The following DCTPP1 variants were observed in gnomAD, a reference collection of about 807,000 sequenced individuals.
DCTPP1 encodes the protein XTP3-transactivated gene A protein.
In DCTPP1, 8 loss-of-function variants were observed where a neutral mutation model predicts 8.8. The ratio of observed to expected loss-of-function variants is 0.91; its 90% CI spans 0.54 to 1.64. The LOEUF is 1.64. DCTPP1 is among the 40% of genes most tolerant of loss of function. The pLI is 0.00. For missense variants in DCTPP1, 231 were observed against 230.4 expected (o/e 1.00, Z -0.02); for synonymous variants, 85 against 92.1 (o/e 0.92, Z 0.44).
intron 2 of DCTPP1, among the ~76,000 whole-genome samples, chr16:30,426,220 G>C (rs2050191494): frequency 1.3e-5 from 2 of 152,184 alleles, no homozygotes. Flanking sequence ...CTGTCGCCCA[G>C]GCTGGAGTGC....
Position 30,429,788 on chromosome 16 carries a change from C to T in DCTPP1, c.101+92G>A, listed in dbSNP as rs544683617. The stretch of plus-strand genomic sequence containing the variant: ...AGAGCCAGGACCCGAGCCCCGCTGC[C>T]AGCCCGCTTCCCGACCACGTGGAGG... On this transcript the variant is annotated intron_variant, in intron 1 of 2. Coordinates refer to ENST00000319285, the MANE Select transcript of DCTPP1 (RefSeq NM_024096.2). 3,705 of 1,308,596 alleles carry T rather than the reference C, an allele frequency of 2.8e-3. 15 individuals are homozygous for T. The highest frequency in any genetic ancestry group is 3.2e-3 in the Non-Finnish European group (3,121 of 963,926). The allele number at this position is 1,308,596 out of a possible 1,614,324, so 81.1% of individuals were successfully genotyped here.
At chr16:30,429,563 C>G in intron 1 of DCTPP1, 1 of 442,162 alleles carries the variant, frequency 2.3e-6, no homozygotes. Flanking sequence ...TCCCACCTCT[C>G]AGCACTTCGT....
intron 1 of DCTPP1, chr16:30,429,638 G>T: frequency 1.9e-6 from 1 of 517,946 alleles, no homozygotes; most frequent in Non-Finnish European, 3.4e-6. Context: ...TATCTTCCCA[G>T]GGCTAGGCTG....
intron 1 of DCTPP1, 55 bp from the exon 2 acceptor site, chr16:30,429,222 G>A (rs1266655926): frequency 6.3e-7 from 1 of 1,589,680 alleles, no homozygotes; most frequent in Non-Finnish European, 8.6e-7. Flanking sequence ...GGGTGATGCA[G>A]GGGCCAGAGG....
In DCTPP1 at chr16:30,424,422, G is replaced by A; in HGVS notation, c.324C>T (p.Ala108=). ...DVLIYLVALA[A]RCRVDLPLAV... ...CTAGCGGCAGATCCACACGGCAGCG[G>A]GCTGCTAATGCCACCAGGTAGATGA... Residue 108 remains alanine (A), a synonymous_variant, in exon 3 of 3, where the codon GCC becomes GCT. Coordinates refer to ENST00000319285, the MANE Select transcript of DCTPP1 (RefSeq NM_024096.2). 7.4e-6 allele frequency: 12 copies of A among 1,614,234 alleles called. No individual in the cohort carries two copies. The highest frequency in any genetic ancestry group is 9.3e-6 in the Non-Finnish European group (11 of 1,180,040).
intron 1 of DCTPP1, 79 bp downstream of exon 1, chr16:30,429,801 G>T: frequency 7.0e-7 from 1 of 1,418,738 alleles, no homozygotes; most frequent in South Asian, 1.3e-5. Flanking sequence ...CCCGCTTCCC[G>T]ACCACGTGGA....
At chr16:30,427,251 C>T (rs1246499221) in intron 2 of DCTPP1, among the ~76,000 whole-genome samples, 2 of 149,770 alleles carry the variant, frequency 1.3e-5, no homozygotes, top group Non-Finnish European at 3.0e-5. Flanking sequence ...ACCTCATGAT[C>T]TGCCCGTCTC....
chr16:30,429,846 CT>C, intron 1 of DCTPP1, 33 bp downstream of exon 1: 1 of 1,571,736 alleles, frequency 6.4e-7, no homozygotes, highest in African/African-American at 1.4e-5. Flanking sequence ...AAAGGGGCGA[CT>C]TCCCCACCCC....
intron 2 of DCTPP1, chr16:30,428,783 A>G: frequency 2.4e-6 from 1 of 417,266 alleles, no homozygotes; most frequent in East Asian, 3.5e-5. Context: ...AAGCCAAAAA[A>G]ACAAAAAACA....
intron 1 of DCTPP1, 70 bp from the exon 2 acceptor site, chr16:30,429,237 T>C: frequency 6.5e-7 from 1 of 1,528,290 alleles, no homozygotes; most frequent in Non-Finnish European, 9.0e-7. Flanking sequence ...CAGAGGCAGC[T>C]ACCCCCGTAG....
chr16:30,429,392 A>G, intron 1 of DCTPP1: 1 of 468,154 alleles, frequency 2.1e-6, no homozygotes, highest in East Asian at 3.4e-5. Context: ...CGCCAAAACT[A>G]ACAAAACCCT....
intron 1 of DCTPP1, 122 bp from the exon 2 acceptor site, chr16:30,429,289 CA>C (rs2050211437): frequency 2.2e-6 from 2 of 919,220 alleles, no homozygotes; most frequent in Non-Finnish European, 1.6e-6. Flanking sequence ...GCAACTAATT[CA>C]TTGGATGGTA....
At chr16:30,429,746 A>C in intron 1 of DCTPP1, 134 bp downstream of exon 1, 1 of 821,562 alleles carries the variant, frequency 1.2e-6, no homozygotes, top group African/African-American at 1.8e-5. Flanking sequence ...AAGAAGGCTC[A>C]CCCAGGGACA....
Position 30,429,831 on chromosome 16 carries a change from G to A in DCTPP1, c.101+49C>T, listed in dbSNP as rs769829600. 16 of 1,553,730 alleles carry A rather than the reference G, an allele frequency of 1.0e-5. No homozygotes were observed. In the Middle Eastern group the frequency reaches 5.2e-4, roughly 51 times the overall value. On this transcript the variant is annotated intron_variant, in intron 1 of 2. Transcript: ENST00000319285. Reference sequence around the variant, plus strand: ...CGTGGAGGAACCCTCCCCAAAACGCGGGAGAAAGGGGCGACTTCCCCACCC... The same window carrying A: ...CGTGGAGGAACCCTCCCCAAAACGCAGGAGAAAGGGGCGACTTCCCCACCC...
Position 30,424,414 on chromosome 16 carries a change from C to T in DCTPP1, c.332G>A (p.Arg111His), listed in dbSNP as rs373815836. Reference sequence around the variant, plus strand: ...GAGCACTGCTAGCGGCAGATCCACACGGCAGCGGGCTGCTAATGCCACCAG... The same window carrying T: ...GAGCACTGCTAGCGGCAGATCCACATGGCAGCGGGCTGCTAATGCCACCAG... ...IYLVALAARC[R>H]VDLPLAVLSK... Residue 111 changes from arginine to histidine, a missense_variant, in exon 3 of 3, where the codon CGT (arginine) becomes CAT (histidine). Transcript: ENST00000319285. 2.4e-5 allele frequency: 39 copies of T among 1,614,094 alleles called. No individual in the cohort carries two copies. The highest frequency in any genetic ancestry group is 8.0e-5 in the African/African-American group (6 of 74,932).
chr16:30,427,775 T>C (rs1158248884), intron 2 of DCTPP1, among the ~76,000 whole-genome samples: 2 of 152,160 alleles, frequency 1.3e-5, no homozygotes, highest in Non-Finnish European at 2.9e-5. Flanking sequence ...AGTGAATCAC[T>C]TGAGACCAGG....
chr16:30,426,704 T>C (rs566335587), intron 2 of DCTPP1, among the ~76,000 whole-genome samples: 1 of 151,572 alleles, frequency 6.6e-6, no homozygotes, highest in African/African-American at 2.4e-5. Flanking sequence ...TTGTTTTGTT[T>C]TGTTTTGTTT....
At chr16:30,425,990 C>T (rs1435925408) in intron 2 of DCTPP1, among the ~76,000 whole-genome samples, 5 of 152,302 alleles carry the variant, frequency 3.3e-5, no homozygotes, top group South Asian at 2.1e-4. Context: ...TCTCACTCCC[C>T]GCCTAAGGCC....
rs568468411 is a variant in DCTPP1 at position 30,427,815 on chromosome 16, G to A, written c.212+1242C>T. On this transcript the variant is annotated intron_variant, in intron 2 of 2. Coordinates refer to ENST00000319285, the MANE Select transcript of DCTPP1 (RefSeq NM_024096.2). ...TGAGACCAGCCTGGGCAACAACAGC[G>A]AGAGATCCCATCTCTACAAAAAGTA... Among the ~76,000 whole-genome samples, 6 of 152,220 alleles carry A rather than the reference G, an allele frequency of 3.9e-5. No individual in the cohort carries two copies. The South Asian group carries it at 8.3e-4, about 21-fold the overall frequency.
Sources: allele counts gnomAD v4.1 joint callset (sites outside exome capture counted in the v4.1 genomes callset), GRCh38; gene constraint gnomAD v4.1.1; transcripts MANE v1.5; gene names NCBI Gene and HGNC (gene_info 2026-07-23, HGNC 2026-07-21).